SLC25A30: variants seen among roughly 807,000 people sequenced by gnomAD.
SLC25A30 encodes the protein solute carrier family 25 member 30, also known as kidney mitochondrial carrier protein 1.
A neutral mutation model predicts 42.7 loss-of-function variants in SLC25A30; 29 were observed. That is an observed-to-expected ratio of 0.68 (90% CI 0.51 to 0.93). SLC25A30 has a LOEUF of 0.93. SLC25A30 is among the 40% of genes least tolerant of loss of function. The probability of loss-of-function intolerance (pLI) is 0.00; values close to 1 mark genes in which losing one functional copy is unlikely to be tolerated. For missense variants in SLC25A30, 300 were observed against 359.7 expected, an observed-to-expected ratio of 0.83 and a Z score of 1.34; for synonymous variants, 124 against 131.0, an observed-to-expected ratio of 0.95 and a Z score of 0.37.
intron 2 of SLC25A30, 41 bp downstream of exon 2, chr13:45,411,321 C>T (rs370018735): frequency 1.9e-5 from 26 of 1,364,400 alleles, no homozygotes; most frequent in Non-Finnish European, 2.6e-5. Context: ...AACACCATCA[C>T]ATACAGCAGG....
At chr13:45,424,542 T>TAG in the SLC25A30 span, among the ~76,000 whole-genome samples, 62 of 42,636 alleles carry the variant, frequency 1.5e-3, no homozygotes, top group Admixed American at 1.5e-3. Flanking sequence ...TATAAATATA[T>TAG]AAATATATAA....
chr13:45,396,194 C>T, intron 9 of SLC25A30, 179 bp from the exon 10 acceptor site: 3 of 1,467,152 alleles, frequency 2.0e-6, no homozygotes, highest in Non-Finnish European at 1.8e-6. Context: ...CCAAGGTCAG[C>T]TTGGAGCAGA....
the SLC25A30 span, among the ~76,000 whole-genome samples, chr13:45,423,835 T>A: frequency 5.2e-5 from 4 of 76,520 alleles, no homozygotes; most frequent in African/African-American, 1.5e-4. Flanking sequence ...TATATTTATA[T>A]ATATAAATAT....
chr13:45,429,332 G>A, the SLC25A30 span, among the ~76,000 whole-genome samples: 1 of 152,050 alleles, frequency 6.6e-6, no homozygotes, highest in East Asian at 1.9e-4. Context: ...GCCTCCCAAA[G>A]TGCTAGGATT....
chr13:45,425,071 C>T, the SLC25A30 span, among the ~76,000 whole-genome samples: 1,276 of 3,870 alleles, frequency 0.33, 116 homozygotes, highest in Non-Finnish European at 0.39. Context: ...AGTATATATA[C>T]ATATATATAA....
the SLC25A30 span, among the ~76,000 whole-genome samples, chr13:45,424,608 A>C: frequency 7.1e-5 from 3 of 42,212 alleles, no homozygotes; most frequent in African/African-American, 1.9e-4. Context: ...AATATATATA[A>C]ATATATATAA....
At chr13:45,424,856 A>C in the SLC25A30 span, among the ~76,000 whole-genome samples, 2 of 59,728 alleles carry the variant, frequency 3.3e-5, 1 homozygote, top group Non-Finnish European at 5.9e-5. Flanking sequence ...ATATAAATAT[A>C]TATATAAAAA....
At chr13:45,417,253 C>A (rs977964168) in intron 1 of SLC25A30, among the ~76,000 whole-genome samples, 1 of 152,132 alleles carries the variant, frequency 6.6e-6, no homozygotes, top group Non-Finnish European at 1.5e-5. Context: ...TCAGGTGATC[C>A]GCCCGCCTCG....
intron 3 of SLC25A30, among the ~76,000 whole-genome samples, chr13:45,408,599 C>G (rs1882725767): frequency 6.6e-6 from 1 of 152,118 alleles, no homozygotes; most frequent in Admixed American, 6.6e-5. Context: ...TTCATTATGG[C>G]AAAAACCTCC....
At chr13:45,418,113 GT>G in intron 1 of SLC25A30, 186 bp downstream of exon 1, 1 of 153,756 alleles carries the variant, frequency 6.5e-6, no homozygotes, top group Admixed American at 6.5e-5. Flanking sequence ...CCTGTCCCCA[GT>G]CCCCGGAACC....
chr13:45,423,533 TAC>T, the SLC25A30 span, among the ~76,000 whole-genome samples: 1,073 of 99,114 alleles, frequency 0.011, 33 homozygotes, highest in African/African-American at 0.04. Context: ...CAAATATATA[TAC>T]AAATATATAT....
chr13:45,424,160 G>GTATAT, the SLC25A30 span, among the ~76,000 whole-genome samples: 1 of 78,812 alleles, frequency 1.3e-5, no homozygotes, highest in Non-Finnish European at 2.1e-5. Flanking sequence ...TATATATATA[G>GTATAT]AAATATATCA....
chr13:45,408,898 GAC>G, intron 3 of SLC25A30, 27 bp downstream of exon 3: 1 of 1,579,840 alleles, frequency 6.3e-7, no homozygotes, highest in Non-Finnish European at 8.6e-7. Context: ...AGTGAACAGT[GAC>G]ACAGAAATGC....
At chr13:45,421,356 G>T (rs1264392762), upstream of SLC25A30, among the ~76,000 whole-genome samples, 2 of 133,892 alleles carry the variant, frequency 1.5e-5, no homozygotes, top group African/African-American at 2.9e-5. Context: ...TCCAGCCTGG[G>T]CAACAGAGCA....
intron 1 of SLC25A30, among the ~76,000 whole-genome samples, chr13:45,412,557 G>C (rs1053330353): frequency 6.6e-6 from 1 of 152,078 alleles, no homozygotes; most frequent in Admixed American, 6.6e-5. Context: ...CCTGAGTCTC[G>C]GTTTTCTTCT....
At chr13:45,425,598 AT>A in the SLC25A30 span, among the ~76,000 whole-genome samples, 1 of 60,274 alleles carries the variant, frequency 1.7e-5, no homozygotes, top group Non-Finnish European at 3.4e-5. Flanking sequence ...ATATATATAC[AT>A]ATATATATAC....
intron 2 of SLC25A30, among the ~76,000 whole-genome samples, chr13:45,410,440 G>T (rs1459096108): frequency 6.6e-6 from 1 of 152,206 alleles, no homozygotes; most frequent in Non-Finnish European, 1.5e-5. Flanking sequence ...GCCAAGGGAG[G>T]TGGATCTCTT....
chr13:45,432,835 A>C, the SLC25A30 span, among the ~76,000 whole-genome samples: 4 of 151,558 alleles, frequency 2.6e-5, no homozygotes, highest in African/African-American at 9.7e-5. Flanking sequence ...TCAAGACCAG[A>C]CTTGGCAAGA....
chr13:45,426,204 A>G, the SLC25A30 span, among the ~76,000 whole-genome samples: 2 of 151,884 alleles, frequency 1.3e-5, no homozygotes, highest in African/African-American at 2.4e-5. Flanking sequence ...CTCCTGCCTC[A>G]GCCTCCTGAG....
Sources: gnomAD v4.1 joint callset for allele counts (sites outside exome capture counted in the v4.1 genomes callset) on GRCh38, gnomAD v4.1.1 for gene constraint, MANE v1.5 for transcripts, NCBI Gene and HGNC (gene_info 2026-07-23, HGNC 2026-07-21) for gene names.